Variants in IFT27 observed in about 807,000 individuals in gnomAD.
IFT27 encodes the protein intraflagellar transport protein 27 homolog.
Under a neutral mutation model 23.9 loss-of-function variants are expected in IFT27, and 19 were observed. The ratio of observed to expected loss-of-function variants is 0.79; its 90% CI spans 0.55 to 1.16. The LOEUF (loss-of-function observed/expected upper bound fraction) is 1.16, where lower values mean the gene tolerates loss of function less well. IFT27 is among the 50% of genes most tolerant of loss of function. The probability of loss-of-function intolerance (pLI) is 0.00; values close to 1 mark genes in which losing one functional copy is unlikely to be tolerated. For missense variants in IFT27, 206 were observed against 228.7 expected, an observed-to-expected ratio of 0.90 and a Z score of 0.64; for synonymous variants, 91 against 89.1, an observed-to-expected ratio of 1.02 and a Z score of -0.12.
At chr22:36,765,724 G>T (rs558002363) in intron 4 of IFT27, among the ~76,000 whole-genome samples, 5 of 152,356 alleles carry the variant, frequency 3.3e-5, no homozygotes, top group Admixed American at 3.3e-4. Flanking sequence ...GCAAACCCCA[G>T]TGGAACGGCA....
chr22:36,768,274 C>T, intron 1 of IFT27: 1 of 358,424 alleles, frequency 2.8e-6, no homozygotes, highest in Non-Finnish European at 5.5e-6. Context: ...AGTCACCTGT[C>T]CAACTGACCC....
chr22:36,772,752 G>T (rs1389442086), intron 1 of IFT27: 2 of 984,966 alleles, frequency 2.0e-6, no homozygotes, highest in Non-Finnish European at 2.4e-6. Context: ...TGAACTGAAC[G>T]TCAGGTCCTT....
intron 4 of IFT27, among the ~76,000 whole-genome samples, chr22:36,765,263 G>C (rs535890958): frequency 6.6e-5 from 10 of 152,208 alleles, no homozygotes; most frequent in South Asian, 4.1e-4. Flanking sequence ...CTGGCATCAA[G>C]CTAAAGCCAG....
At position 36,763,974 on chromosome 22, in the gene IFT27, G is replaced by A. The variant is rs1443063724; in HGVS notation, c.297C>T (p.Asn99=). 1 of 1,614,236 alleles carries A rather than the reference G, an allele frequency of 6.2e-7. No individual in the cohort carries two copies. The highest frequency in any genetic ancestry group is 1.7e-5 in the Admixed American group (1 of 60,028). ...GAGCCTTCTCCAGCCACTTGCTGCA[G>A]TTGTTGAAGGATTCTTCATTGGTCA... is the stretch of plus-strand genomic sequence containing the variant. ...YDVTNEESFN[N]CSKWLEKARS... is the part of the protein sequence containing the mutation. The change falls in exon 5 of 7, where the codon AAC becomes AAT. Residue 99 remains asparagine, a synonymous_variant. Transcript: ENST00000433985.
intron 4 of IFT27, among the ~76,000 whole-genome samples, chr22:36,765,086 G>A (rs767528553): frequency 1.3e-5 from 2 of 152,202 alleles, no homozygotes; most frequent in African/African-American, 2.4e-5. Context: ...TCAGGGATGG[G>A]AGGACCGTGG....
chr22:36,768,872 T>C (rs905451605), intron 1 of IFT27, among the ~76,000 whole-genome samples: 4 of 152,194 alleles, frequency 2.6e-5, no homozygotes, highest in African/African-American at 9.7e-5. Context: ...CTGCTTCTCA[T>C]CCTCTGGATC....
intron 3 of IFT27, chr22:36,766,471 C>T: frequency 2.2e-6 from 1 of 458,436 alleles, no homozygotes; most frequent in Non-Finnish European, 4.0e-6. Flanking sequence ...TGCAAAAATA[C>T]CAGGAACAAG....
At chr22:36,769,030 A>C (rs1411536060) in intron 1 of IFT27, among the ~76,000 whole-genome samples, 1 of 152,026 alleles carries the variant, frequency 6.6e-6, no homozygotes. Flanking sequence ...TTCAGTTTTG[A>C]CTTTTCCCAC....
intron 6 of IFT27, chr22:36,760,674 G>A (rs916534674): frequency 5.9e-5 from 9 of 152,948 alleles, no homozygotes; most frequent in Middle Eastern, 3.4e-3. Context: ...TCTAGCCCTC[G>A]TTTAACTATG....
intron 1 of IFT27, among the ~76,000 whole-genome samples, chr22:36,773,249 C>T (rs1226350406): frequency 6.6e-6 from 1 of 151,994 alleles, no homozygotes. Context: ...TCCCCGGCTG[C>T]TCGGGAGGCT....
At chr22:36,764,059 G>T (rs372206533) in intron 4 of IFT27, 23 bp from the exon 5 acceptor site, 1 of 1,516,502 alleles carries the variant, frequency 6.6e-7, no homozygotes, top group Non-Finnish European at 9.2e-7. Context: ...GACAGGATGA[G>T]TATGGGTCAG....
At chr22:36,771,826 G>A (rs1366885344) in intron 1 of IFT27, among the ~76,000 whole-genome samples, 2 of 152,118 alleles carry the variant, frequency 1.3e-5, no homozygotes, top group Non-Finnish European at 2.9e-5. Context: ...TCCACCCAGT[G>A]GGTGGCATCA....
At chr22:36,761,904 C>T (rs2145914140) in intron 6 of IFT27, 1 of 152,384 alleles carries the variant, frequency 6.6e-6, no homozygotes, top group Non-Finnish European at 1.5e-5. Context: ...ACCTCCAGAA[C>T]ATTAACCAGC....
chr22:36,774,824 A>AAT (rs1938467160), intron 1 of IFT27, among the ~76,000 whole-genome samples: 2 of 150,826 alleles, frequency 1.3e-5, no homozygotes, highest in Non-Finnish European at 1.5e-5. Flanking sequence ...AAAAAAAAAA[A>AAT]AAAAAGAAAA....
At position 36,767,851 on chromosome 22, in the gene IFT27, C is replaced by T; in HGVS notation, c.46G>A (p.Val16Met). The T allele has an allele frequency of 3.7e-6, 6 of 1,614,028 alleles. No individual in the cohort carries two copies. The highest frequency in any genetic ancestry group is 5.1e-6 in the Non-Finnish European group (6 of 1,179,850). The part of the protein sequence containing the change: ...AKCILAGDPA[V>M]GKTALAQIFR... Reference sequence around the variant, plus strand: ...ATCTGTGCCAGGGCGGTCTTGCCCACTGCTGGGTCTCCTGTGAGATCAGAA... The same window carrying T: ...ATCTGTGCCAGGGCGGTCTTGCCCATTGCTGGGTCTCCTGTGAGATCAGAA... Residue 16 changes from valine to methionine, a missense_variant, in exon 2 of 7, where the codon GTG becomes ATG. Physicochemically the swap from Val to Met is conservative, Grantham distance 21. Coordinates refer to ENST00000433985, the MANE Select transcript of IFT27 (RefSeq NM_001177701.3).
chr22:36,767,157 G>A (rs1452428268), intron 3 of IFT27, 149 bp downstream of exon 3: 1 of 588,026 alleles, frequency 1.7e-6, no homozygotes, highest in Non-Finnish European at 3.1e-6. Context: ...TCCCTCCCTT[G>A]AATGCTTCCC....
chr22:36,769,970 G>A (rs555233394), intron 1 of IFT27, among the ~76,000 whole-genome samples: 32 of 152,338 alleles, frequency 2.1e-4, no homozygotes, highest in South Asian at 1.5e-3. Context: ...GAAGCACAGG[G>A]AGGTGAAATA....
chr22:36,772,543 A>T (rs1938407803), intron 1 of IFT27: 1 of 985,348 alleles, frequency 1.0e-6, no homozygotes, highest in African/African-American at 1.7e-5. Context: ...CAGAACAAGT[A>T]GCAGCTGTGC....
rs770490123 is a variant in IFT27 at position 36,763,793 on chromosome 22, C to T, written c.352+126G>A. 4 of 753,184 alleles carry T rather than the reference C, an allele frequency of 5.3e-6. No homozygotes were observed. The Admixed American group carries it at 7.9e-5, about 15-fold the overall frequency. 46.7% of individuals were successfully genotyped at this position (753,184 alleles called of 1,614,324 possible). A position where few individuals can be genotyped will look rare whatever the true frequency, so the allele number is the denominator to read the frequency against. On this transcript the variant is annotated intron_variant, in intron 5 of 6. Transcript: ENST00000433985. ...TGCTAAGTGGCAGGGCCAGTGTACG[C>T]CTTAGGCCATCAAAGTCCAAGCCCA...
Sources: allele counts gnomAD v4.1 joint callset (sites outside exome capture counted in the v4.1 genomes callset), GRCh38; gene constraint gnomAD v4.1.1; transcripts MANE v1.5; gene names NCBI Gene and HGNC (gene_info 2026-07-23, HGNC 2026-07-21).